Variants in RABEP1 observed in about 807,000 individuals in gnomAD.
RABEP1 encodes rab GTPase-binding effector protein 1.
Under a neutral mutation model 123.4 loss-of-function variants are expected in RABEP1, and 51 were observed. The observed-to-expected ratio is 0.41, with a 90% CI of 0.33 to 0.52. The LOEUF (loss-of-function observed/expected upper bound fraction) is 0.52, where lower values mean the gene tolerates loss of function less well. RABEP1 is among the 20% of genes least tolerant of loss of function. The probability of loss-of-function intolerance (pLI) is 0.16; values close to 1 mark genes in which losing one functional copy is unlikely to be tolerated. For missense variants in RABEP1, 888 were observed against 996.3 expected, an observed-to-expected ratio of 0.89 and a Z score of 1.46; for synonymous variants, 347 against 355.2, an observed-to-expected ratio of 0.98 and a Z score of 0.26.
chr17:5,349,904 A>G (rs1412380426), intron 6 of RABEP1, among the ~76,000 whole-genome samples: 1 of 152,182 alleles, frequency 6.6e-6, no homozygotes, highest in African/African-American at 2.4e-5. Flanking sequence ...CTTTAACTTG[A>G]AGTTTCTAAG....
Position 5,346,818 on chromosome 17 carries a change from C to T in RABEP1, c.677C>T (p.Ala226Val). 1 of 1,576,654 alleles carries T rather than the reference C, an allele frequency of 6.3e-7. No homozygotes were observed. The highest frequency in any genetic ancestry group is 8.6e-7 in the Non-Finnish European group (1 of 1,158,750). Residue 226 changes from alanine to valine, a missense_variant, in exon 6 of 18, where the codon GCT becomes GTT. Physicochemically the swap from Ala to Val is moderately conservative, Grantham distance 64. Transcript: ENST00000537505. ...KVKELNHYLE[A>V]EKSCRTDLEM... ...AAAGAACTGAATCATTATCTGGAAG[C>T]TGAGAAATCTTGTAGGACTGATCTA...
intron 3 of RABEP1, among the ~76,000 whole-genome samples, chr17:5,334,389 G>T (rs990458895): frequency 6.6e-6 from 1 of 151,964 alleles, no homozygotes. Flanking sequence ...CTGTCACCAC[G>T]CCCAGCTAAT....
At chr17:5,338,167 G>C (rs1238765316) in intron 5 of RABEP1, 29 bp downstream of exon 5, 2 of 1,592,910 alleles carry the variant, frequency 1.3e-6, no homozygotes, top group Non-Finnish European at 1.7e-6. Flanking sequence ...CCATTTGCTT[G>C]AAACCCAAGT....
At chr17:5,314,295 T>G (rs1380062280) in intron 2 of RABEP1, among the ~76,000 whole-genome samples, 1 of 125,126 alleles carries the variant, frequency 8.0e-6, no homozygotes, top group African/African-American at 3.0e-5. Flanking sequence ...CAGGCTGGAG[T>G]GCAGTGGCAC....
At chr17:5,366,261 C>T (rs1312832915) in intron 11 of RABEP1, among the ~76,000 whole-genome samples, 1 of 152,058 alleles carries the variant, frequency 6.6e-6, no homozygotes, top group Non-Finnish European at 1.5e-5. Context: ...TTTCATGTTT[C>T]TTGGCCATTG....
intron 12 of RABEP1, among the ~76,000 whole-genome samples, 166 bp from the exon 13 acceptor site, chr17:5,373,148 T>G (rs1910657231): frequency 6.6e-6 from 1 of 152,178 alleles, no homozygotes; most frequent in Non-Finnish European, 1.5e-5. Flanking sequence ...GAATATATGC[T>G]GTAAACCAGA....
intron 1 of RABEP1, among the ~76,000 whole-genome samples, chr17:5,290,904 A>G (rs1400967450): frequency 1.3e-5 from 2 of 152,158 alleles, no homozygotes; most frequent in Non-Finnish European, 2.9e-5. Context: ...TGCATTAATT[A>G]TATTTTTTAA....
intron 2 of RABEP1, among the ~76,000 whole-genome samples, chr17:5,315,978 G>A (rs950287976): frequency 6.6e-6 from 1 of 152,144 alleles, no homozygotes; most frequent in African/African-American, 2.4e-5. Flanking sequence ...AATGACAGGA[G>A]ATACTTCATA....
intron 11 of RABEP1, among the ~76,000 whole-genome samples, chr17:5,366,751 G>A (rs1429868894): frequency 2.6e-5 from 4 of 151,550 alleles, no homozygotes; most frequent in Non-Finnish European, 5.9e-5. Context: ...AGTAGCTTAT[G>A]TCTTCATTAA....
rs369734347 is a variant in RABEP1, at chr17:5,323,839, A to AATATAT, written c.164-8101_164-8096dup. Among the ~76,000 whole-genome samples, 200 of 70,256 alleles carry AATATAT rather than the reference A, an allele frequency of 2.8e-3. 25 individuals carry two copies. Among genetic ancestry groups the AATATAT allele is most frequent in the African/African-American group, 0.012 (183 of 14,754 alleles). 46.1% of individuals were successfully genotyped at this position (70,256 alleles called of 152,430 possible). On this transcript the variant is annotated intron_variant, in intron 2 of 17. Coordinates refer to ENST00000537505, the MANE Select transcript of RABEP1 (RefSeq NM_004703.6). ...CTAGGAATATATATATATATCTAGG[A>AATATAT]ATATATATATATATCTAGGAATATA... is the stretch of plus-strand genomic sequence containing the variant.
At chr17:5,344,508 C>T (rs555709729) in intron 5 of RABEP1, among the ~76,000 whole-genome samples, 10 of 152,138 alleles carry the variant, frequency 6.6e-5, no homozygotes, top group African/African-American at 2.2e-4. Flanking sequence ...CGCAGTGGCT[C>T]GTGCCTGTAA....
rs1257928844 is a variant in RABEP1, at chr17:5,307,076, T to C, written c.35-1618T>C. Among the ~76,000 whole-genome samples, 3 of 152,308 alleles carry C rather than the reference T, an allele frequency of 2.0e-5. No individual in the cohort carries two copies. In the East Asian group the frequency reaches 5.8e-4, roughly 29 times the overall value. ...GCTTATGCCTGTAATCCCAGCACTT[T>C]GGGAGGCCGAGGTGGGTGGATCATT... On this transcript the variant is annotated intron_variant, in intron 1 of 17. Coordinates refer to ENST00000537505, the MANE Select transcript of RABEP1 (RefSeq NM_004703.6).
intron 11 of RABEP1, among the ~76,000 whole-genome samples, chr17:5,365,802 G>C (rs1470828075): frequency 6.6e-6 from 1 of 152,218 alleles, no homozygotes; most frequent in Non-Finnish European, 1.5e-5. Flanking sequence ...TTTTGCGTCT[G>C]TGTTCCTCCG....
chr17:5,353,431 G>A (rs992366402), intron 7 of RABEP1, among the ~76,000 whole-genome samples: 9 of 152,130 alleles, frequency 5.9e-5, no homozygotes, highest in Admixed American at 3.9e-4. Context: ...GCTGTTTTAC[G>A]TGACACTGAA....
intron 6 of RABEP1, among the ~76,000 whole-genome samples, chr17:5,347,736 G>T (rs1367742921): frequency 6.6e-6 from 1 of 152,132 alleles, no homozygotes; most frequent in African/African-American, 2.4e-5. Flanking sequence ...AACTTTGAGT[G>T]AAGTTTTGGC....
intron 2 of RABEP1, among the ~76,000 whole-genome samples, chr17:5,322,235 G>A (rs1905437887): frequency 6.6e-6 from 1 of 152,134 alleles, no homozygotes; most frequent in African/African-American, 2.4e-5. Flanking sequence ...GTACATGCTT[G>A]TAGTCCCAGC....
At chr17:5,293,176 A>G (rs2075048828) in intron 1 of RABEP1, among the ~76,000 whole-genome samples, 1 of 152,044 alleles carries the variant, frequency 6.6e-6, no homozygotes, top group Non-Finnish European at 1.5e-5. Context: ...AATCCCAGCT[A>G]CTTGGGAGGG....
At position 5,381,430 on chromosome 17, in the gene RABEP1, T is replaced by C; in HGVS notation, c.2412T>C (p.Ala804=). ...EQLMFEEKNK[A]QRLQTELDVS... ...TAATGTTTGAAGAGAAGAATAAAGC[T>C]CAGAGATTACAGACAGAATTAGATG... Residue 804 remains alanine (A), a synonymous_variant, in exon 17 of 18, where the codon GCT becomes GCC. Transcript: ENST00000537505. 6.2e-7 allele frequency: 1 copy of C among 1,613,602 alleles called. No homozygotes were observed. The highest frequency in any genetic ancestry group is 8.5e-7 in the Non-Finnish European group (1 of 1,179,698).
chr17:5,335,082 A>G (rs1906935100), intron 3 of RABEP1, 102 bp from the exon 4 acceptor site: 1 of 962,264 alleles, frequency 1.0e-6, no homozygotes, highest in Non-Finnish European at 1.5e-6. Context: ...CATTTTCCAG[A>G]AATTAGACGT....
Sources: gnomAD v4.1 joint callset for allele counts (sites outside exome capture counted in the v4.1 genomes callset) on GRCh38, gnomAD v4.1.1 for gene constraint, MANE v1.5 for transcripts, NCBI Gene and HGNC (gene_info 2026-07-23, HGNC 2026-07-21) for gene names.